The following NSD2 variants were observed in gnomAD, a reference collection of about 807,000 sequenced individuals.
The protein encoded by NSD2 is histone-lysine N-methyltransferase NSD2.
Under a neutral mutation model 139.0 loss-of-function variants are expected in NSD2, and 12 were observed. That is an observed-to-expected ratio of 0.09 (90% CI 0.06 to 0.14). The LOEUF (loss-of-function observed/expected upper bound fraction) is 0.14. Among genes scored for constraint, NSD2 ranks in the 10% least tolerant of loss-of-function variants. The pLI is 1.00. For missense variants in NSD2, 1,155 were observed against 1,745.0 expected (o/e 0.66, Z 6.02); for synonymous variants, 669 against 648.7 (o/e 1.03, Z -0.48).
chr4:1,953,282 C>T lies in NSD2; in HGVS notation c.2138-42C>T, dbSNP rs1360540289. 10 of 1,614,104 alleles carry T rather than the reference C, an allele frequency of 6.2e-6. No homozygotes were observed. The African/African-American group carries it at 1.3e-4, about 22-fold the overall frequency. ...TCAGAACTGCAATTTAATTCTTGTTCTTTGCACCTCTCTCTCCACCCCTTC... is the reference window on the plus strand; with the variant it reads ...TCAGAACTGCAATTTAATTCTTGTTTTTTGCACCTCTCTCTCCACCCCTTC... On this transcript the variant is annotated intron_variant, in intron 11 of 21. Transcript: ENST00000508803.
Position 1,973,729 on chromosome 4 carries a change from G to A in NSD2, c.3373-1134G>A, listed in dbSNP as rs1726744222. ...GTGTCAGAGGCCGCGTGTGAATAGTGACTCCGAAGCCTGCCGCTTCCTGGG... is the reference window on the plus strand; with the variant it reads ...GTGTCAGAGGCCGCGTGTGAATAGTAACTCCGAAGCCTGCCGCTTCCTGGG... On this transcript the variant is annotated intron_variant, in intron 18 of 21. Coordinates refer to ENST00000508803, the MANE Select transcript of NSD2 (RefSeq NM_001042424.3). This position sits in a 1 kb window ranked among gnomAD's most constrained non-coding sequence, Gnocchi z 5.5. Among the ~76,000 whole-genome samples the A allele has an allele frequency of 6.6e-6, 1 of 152,244 alleles. No homozygotes were observed.
At chr4:1,904,101 C>A in intron 2 of NSD2, 115 bp from the exon 3 acceptor site, 1 of 1,185,474 alleles carries the variant, frequency 8.4e-7, no homozygotes, top group Non-Finnish European at 1.2e-6. Flanking sequence ...GAGCACACTC[C>A]ATTTTTGGGG....
chr4:1,940,964 A>T (rs1214500486), intron 9 of NSD2: 1 of 1,058,148 alleles, frequency 9.5e-7, no homozygotes, highest in African/African-American at 1.6e-5. Context: ...GGTGGTCGAG[A>T]CCTGTTCACG....
At position 1,959,707 on chromosome 4, in the gene NSD2, G is replaced by T. The variant is rs766875306; in HGVS notation, c.3222G>T (p.Gly1074=). The change falls in exon 17 of 22, where the codon GGG becomes GGT. Residue 1074 remains glycine, a synonymous_variant. Transcript: ENST00000508803. ...ETKIIKTDGK[G]WGLVAKRDIR... is the part of the protein sequence containing the mutation. ...AGATCATCAAGACAGATGGCAAAGG[G>T]TGGGGCCTGGTCGCCAAGAGGGACA... 3.7e-6 allele frequency: 6 copies of T among 1,614,002 alleles called. No individual in the cohort carries two copies. The highest frequency in any genetic ancestry group is 5.1e-6 in the Non-Finnish European group (6 of 1,179,920).
intron 9 of NSD2, chr4:1,945,471 GATT>G (rs1467228754): frequency 2.3e-5 from 24 of 1,063,510 alleles, no homozygotes; most frequent in Admixed American, 5.4e-5. Context: ...AGAAAACTAA[GATT>G]ATAAATTAGC....
At chr4:1,918,651 GC>G (rs1293522533) in intron 5 of NSD2, 28 bp downstream of exon 5, 1 of 1,605,394 alleles carries the variant, frequency 6.2e-7, no homozygotes, top group Non-Finnish European at 8.5e-7. Context: ...TTTCATGCTA[GC>G]AAGTTTCAGA....
At chr4:1,975,101 G>GGA (rs1330993813) in intron 19 of NSD2, 97 bp downstream of exon 19, 33 of 1,571,554 alleles carry the variant, frequency 2.1e-5, no homozygotes, top group Admixed American at 7.1e-5. Context: ...AGGCTCTGGG[G>GGA]GAGGTGGGTG....
At chr4:1,946,913 C>G in intron 9 of NSD2, 4 of 1,059,142 alleles carry the variant, frequency 3.8e-6, no homozygotes, top group Middle Eastern at 4.2e-4. Context: ...GTGTTTTTTT[C>G]TAGCCTACCT....
chr4:1,925,039 G>C (rs375536140), intron 5 of NSD2, among the ~76,000 whole-genome samples: 24 of 152,328 alleles, frequency 1.6e-4, no homozygotes, highest in Non-Finnish European at 3.1e-4. Context: ...CTGGACTCTG[G>C]CTGGGTGGTT....
At position 1,942,122 on chromosome 4, in the gene NSD2, ATTC is replaced by A; in HGVS notation, c.1881+2350_1881+2352del. ...CACTTTAGGTCATGTTGTAGTTTAA[ATTC>A]TTCTTGAAAAAGGTATATGTGATAA... On this transcript the variant is annotated intron_variant, in intron 9 of 21. Coordinates refer to ENST00000508803, the MANE Select transcript of NSD2 (RefSeq NM_001042424.3). This position sits in a 1 kb window ranked among gnomAD's most constrained non-coding sequence, Gnocchi z 4.0. The A allele has an allele frequency of 7.9e-7, 1 of 1,269,594 alleles. No individual in the cohort carries two copies. The highest frequency in any genetic ancestry group is 1.0e-6 in the Non-Finnish European group (1 of 1,003,908). The allele number at this position is 1,269,594 out of a possible 1,614,324, so 78.6% of individuals were successfully genotyped here.
At position 1,973,617 on chromosome 4, in the gene NSD2, T is replaced by G. The variant is rs1463521852; in HGVS notation, c.3373-1246T>G. 1.3e-5 allele frequency among the ~76,000 whole-genome samples: 2 copies of G among 152,204 alleles called. No individual in the cohort carries two copies. Among genetic ancestry groups the G allele is most frequent in the Non-Finnish European group, 2.9e-5 (2 of 68,028 alleles). On this transcript the variant is annotated intron_variant, in intron 18 of 21. Transcript: ENST00000508803. The surrounding 1 kb of genome is among the most constrained non-coding windows in gnomAD (Gnocchi z 5.5). ...ATTTCTGGTTTTAAAGGGTGGCCTGTGTGGGTATGTAGAAAGGACACGGGG... is the reference window on the plus strand; with the variant it reads ...ATTTCTGGTTTTAAAGGGTGGCCTGGGTGGGTATGTAGAAAGGACACGGGG...
chr4:1,938,420 T>C (rs575365129), intron 7 of NSD2, 31 bp from the exon 8 acceptor site: 66 of 988,590 alleles, frequency 6.7e-5, no homozygotes, highest in Admixed American at 1.5e-4. Flanking sequence ...TTCTTTCTTT[T>C]TTTTTTTTTT....
Position 1,974,800 on chromosome 4 carries a change from AT to A in NSD2, c.3373-61del, listed in dbSNP as rs766107492. 2 of 1,607,348 alleles carry A rather than the reference AT, an allele frequency of 1.2e-6. No individual in the cohort carries two copies. The highest frequency in any genetic ancestry group is 4.5e-5 in the East Asian group (2 of 44,772). On this transcript the variant is annotated intron_variant, in intron 18 of 21. Coordinates refer to ENST00000508803, the MANE Select transcript of NSD2 (RefSeq NM_001042424.3). This position sits in a 1 kb window ranked among gnomAD's most constrained non-coding sequence, Gnocchi z 4.0. ...TTCAATGTGCTTTATGATGGTGAAA[AT>A]TCCCTTTAAAAATAACATGCGATTG...
chr4:1,940,735 G>T, intron 9 of NSD2: 1 of 1,060,818 alleles, frequency 9.4e-7, no homozygotes, highest in South Asian at 4.6e-5. Flanking sequence ...GAGTCAGAAG[G>T]CGGCACTTCT....
At position 1,977,573 on chromosome 4, in the gene NSD2, C is replaced by T. The variant is rs181419871; in HGVS notation, c.3826+894C>T. 1.7e-3 allele frequency among the ~76,000 whole-genome samples: 258 copies of T among 152,016 alleles called. 2 individuals are homozygous for T. Among genetic ancestry groups the T allele is most frequent in the Non-Finnish European group, 2.4e-3 (161 of 67,968 alleles). On this transcript the variant is annotated intron_variant, in intron 21 of 21. Coordinates refer to ENST00000508803, the MANE Select transcript of NSD2 (RefSeq NM_001042424.3). ...AGCAGATCACCTGAGGTCAGGAGTTCGAGACCAGTCTGACCAACATGGTGA... is the reference window on the plus strand; with the variant it reads ...AGCAGATCACCTGAGGTCAGGAGTTTGAGACCAGTCTGACCAACATGGTGA...
At chr4:1,872,645 C>T (rs1402250126) in intron 1 of NSD2, among the ~76,000 whole-genome samples, 1 of 71,198 alleles carries the variant, frequency 1.4e-5, no homozygotes, top group Non-Finnish European at 3.4e-5. Context: ...AGCGCGCAGA[C>T]CCTGTGAAGA....
intron 7 of NSD2, among the ~76,000 whole-genome samples, chr4:1,936,419 C>T (rs1722403473): frequency 6.6e-6 from 1 of 151,882 alleles, no homozygotes; most frequent in Non-Finnish European, 1.5e-5. Context: ...ACCTGTAATC[C>T]CAGCACTTTG....
intron 1 of NSD2, chr4:1,892,380 A>G (rs1431847710): frequency 1.3e-5 from 2 of 152,234 alleles, no homozygotes; most frequent in African/African-American, 2.4e-5. Context: ...GAGACCTCCC[A>G]AGGTCCATGT....
intron 21 of NSD2, among the ~76,000 whole-genome samples, chr4:1,978,383 C>G (rs1472546300): frequency 6.6e-6 from 1 of 152,174 alleles, no homozygotes; most frequent in Non-Finnish European, 1.5e-5. Context: ...CGGCACAGCT[C>G]CTCTCAGTTG....
Sources: gnomAD v4.1 joint callset for allele counts (sites outside exome capture counted in the v4.1 genomes callset) on GRCh38, gnomAD v4.1.1 for gene constraint, Gnocchi (gnomAD v3.1) non-coding constraint, MANE v1.5 for transcripts, NCBI Gene and HGNC (gene_info 2026-07-23, HGNC 2026-07-21) for gene names.